The following RUNX1 variants were observed in gnomAD, a reference collection of about 807,000 sequenced individuals.
The protein encoded by RUNX1 is RUNX family transcription factor 1.
Under a neutral mutation model 42.8 loss-of-function variants are expected in RUNX1, and 19 were observed. The observed-to-expected ratio is 0.44, with a 90% CI of 0.31 to 0.65. The LOEUF is 0.65. RUNX1 is among the 30% of genes least tolerant of loss of function. RUNX1 has a pLI of 0.07. For synonymous variants in RUNX1, 271 were observed against 289.4 expected, an observed-to-expected ratio of 0.94 and a Z score of 0.64; for missense variants, 528 against 672.0, an observed-to-expected ratio of 0.79 and a Z score of 2.37.
chr21:34,904,389 T>G (rs2834667), intron 2 of RUNX1, among the ~76,000 whole-genome samples: 45,164 of 152,022 alleles, frequency 0.3, 7,885 homozygotes, highest in African/African-American at 0.48. Context: ...TGCAATGAAA[T>G]CTATATTCAG....
chr21:34,846,630 G>A (rs56399902), intron 6 of RUNX1, among the ~76,000 whole-genome samples: 2 of 152,014 alleles, frequency 1.3e-5, no homozygotes, highest in Non-Finnish European at 2.9e-5. Context: ...TAGACTCCAC[G>A]GGCAGGCCCG....
At chr21:35,043,150 A>G (rs2059371803) in intron 2 of RUNX1, among the ~76,000 whole-genome samples, 1 of 152,146 alleles carries the variant, frequency 6.6e-6, no homozygotes, top group South Asian at 2.1e-4. Context: ...TGTTCTCGTA[A>G]AGTACTCCCT....
chr21:34,996,633 A>ACT (rs148399889), intron 2 of RUNX1, among the ~76,000 whole-genome samples: 6 of 150,900 alleles, frequency 4.0e-5, no homozygotes, highest in African/African-American at 9.7e-5. Flanking sequence ...GGAATGCTGA[A>ACT]CTCTCTCTCT....
chr21:34,908,255 AAAT>A (rs2058240984), intron 2 of RUNX1, among the ~76,000 whole-genome samples: 1 of 152,360 alleles, frequency 6.6e-6, no homozygotes, highest in East Asian at 1.9e-4. Flanking sequence ...AATTCTCAAG[AAAT>A]AATGCAATGA....
At chr21:34,968,435 C>A (rs565047448) in intron 2 of RUNX1, among the ~76,000 whole-genome samples, 1 of 152,108 alleles carries the variant, frequency 6.6e-6, no homozygotes, top group East Asian at 1.9e-4. Context: ...GCAGCCAGCA[C>A]GGAAGAGGGT....
At chr21:34,998,112 T>G (rs966280514) in intron 2 of RUNX1, among the ~76,000 whole-genome samples, 3 of 152,182 alleles carry the variant, frequency 2.0e-5, no homozygotes, top group African/African-American at 7.2e-5. Flanking sequence ...TCTATGTTTC[T>G]CTTTTAAACT....
intron 2 of RUNX1, among the ~76,000 whole-genome samples, chr21:34,909,933 C>T (rs936210138): frequency 3.3e-5 from 5 of 152,132 alleles, no homozygotes; most frequent in Non-Finnish European, 7.4e-5. Context: ...CCTTCCGCCT[C>T]TTCCTCCTCC....
At chr21:34,827,145 G>A (rs2056999507) in intron 7 of RUNX1, among the ~76,000 whole-genome samples, 1 of 152,202 alleles carries the variant, frequency 6.6e-6, no homozygotes, top group Non-Finnish European at 1.5e-5. Flanking sequence ...CTGGAGTAAA[G>A]GCCATATTTA....
intron 3 of RUNX1, chr21:34,887,811 T>G: frequency 9.4e-7 from 1 of 1,064,282 alleles, no homozygotes; most frequent in Non-Finnish European, 1.1e-6. Context: ...TAAGTAGCCT[T>G]GAAAATCAGC....
chr21:34,944,793 T>C (rs2058552610), intron 2 of RUNX1, among the ~76,000 whole-genome samples: 1 of 152,186 alleles, frequency 6.6e-6, no homozygotes, highest in Non-Finnish European at 1.5e-5. Context: ...TTACTAACTA[T>C]ACTATATGAG....
intron 2 of RUNX1, among the ~76,000 whole-genome samples, chr21:34,896,907 G>T (rs1019150139): frequency 7.9e-5 from 12 of 152,162 alleles, no homozygotes; most frequent in African/African-American, 2.9e-4. Context: ...GGGAAGGAGA[G>T]AATGAAATTT....
chr21:34,890,194 C>A (rs967843707), intron 3 of RUNX1, among the ~76,000 whole-genome samples: 2 of 151,930 alleles, frequency 1.3e-5, no homozygotes, highest in Admixed American at 1.3e-4. Flanking sequence ...GCGCCGCGGG[C>A]TCTGGCGGAC....
intron 2 of RUNX1, among the ~76,000 whole-genome samples, chr21:34,959,037 C>T (rs1439991499): frequency 6.7e-6 from 1 of 148,404 alleles, no homozygotes; most frequent in Non-Finnish European, 1.5e-5. Flanking sequence ...ACATCACACT[C>T]TGGGGACTGT....
At chr21:34,886,428 T>C (rs1161073594) in intron 4 of RUNX1, among the ~76,000 whole-genome samples, 1 of 152,270 alleles carries the variant, frequency 6.6e-6, no homozygotes, top group Non-Finnish European at 1.5e-5. Flanking sequence ...TTTTATTTCC[T>C]GATCCTTTCA....
chr21:34,960,216 C>T (rs1246026748), intron 2 of RUNX1, among the ~76,000 whole-genome samples: 1 of 152,206 alleles, frequency 6.6e-6, no homozygotes, highest in Non-Finnish European at 1.5e-5. Context: ...TCCTGTTCTT[C>T]CTGGGTCCAT....
At chr21:34,821,116 C>A (rs2056901500) in intron 7 of RUNX1, among the ~76,000 whole-genome samples, 1 of 152,180 alleles carries the variant, frequency 6.6e-6, no homozygotes, top group Admixed American at 6.5e-5. Context: ...AATGAAAATA[C>A]CACTAAAACC....
chr21:35,040,770 C>CAAAAAAAAAAAAAAAAAA lies in RUNX1; in HGVS notation c.58+8071_58+8072insTTTTTTTTTTTTTTTTTT, dbSNP rs1568808489. 7.8e-5 allele frequency among the ~76,000 whole-genome samples: 4 copies of CAAAAAAAAAAAAAAAAAA among 50,988 alleles called. 2 individuals are homozygous for CAAAAAAAAAAAAAAAAAA. The highest frequency in any genetic ancestry group is 1.9e-4 in the Non-Finnish European group (4 of 21,026). The allele number at this position is 50,988 out of a possible 152,430, so 33.5% of individuals were successfully genotyped here. A position where few individuals can be genotyped will look rare whatever the true frequency, so the allele number is the denominator to read the frequency against. ...TGGTGACAGAGCTAGTAGACTCCAT[C>CAAAAAAAAAAAAAAAAAA]CAAAAAAAAAAAAAAAAAAAAAAAC... On this transcript the variant is annotated intron_variant, in intron 2 of 8. Transcript: ENST00000675419.
chr21:34,939,239 C>T (rs1476149305), intron 2 of RUNX1, among the ~76,000 whole-genome samples: 2 of 152,220 alleles, frequency 1.3e-5, no homozygotes, highest in African/African-American at 2.4e-5. Flanking sequence ...TGATACTTTG[C>T]TAGGCTCAAC....
intron 3 of RUNX1, among the ~76,000 whole-genome samples, chr21:34,889,190 C>T: frequency 6.6e-6 from 1 of 151,922 alleles, no homozygotes; most frequent in South Asian, 2.1e-4. Context: ...TCCTGCGCGG[C>T]CGCCCAGGGC....
Sources: allele counts gnomAD v4.1 joint callset (sites outside exome capture counted in the v4.1 genomes callset), GRCh38; gene constraint gnomAD v4.1.1; transcripts MANE v1.5; gene names NCBI Gene and HGNC (gene_info 2026-07-23, HGNC 2026-07-21).